Variants in ARSG observed in about 807,000 individuals in gnomAD.
ARSG encodes arylsulfatase G.
In ARSG, 37 loss-of-function variants were observed where a neutral mutation model predicts 50.5. The ratio of observed to expected loss-of-function variants is 0.73; its 90% CI spans 0.56 to 0.96. The LOEUF (loss-of-function observed/expected upper bound fraction) is 0.96, where lower values mean the gene tolerates loss of function less well. ARSG is among the 50% of genes least tolerant of loss of function. The pLI is 0.00. For synonymous variants in ARSG, 225 were observed against 254.6 expected (o/e 0.88, Z 1.11); for missense variants, 629 against 675.3 (o/e 0.93, Z 0.76).
In ARSG at chr17:68,420,217, G is replaced by A. The variant is rs374175443; in HGVS notation, c.1332G>A (p.Thr444=). 1.1e-5 allele frequency: 17 copies of A among 1,613,862 alleles called. No individual in the cohort carries two copies. The highest frequency in any genetic ancestry group is 5.5e-5 in the South Asian group (5 of 91,070). Residue 444 remains threonine, a synonymous_variant, in exon 12 of 12, where the codon ACG becomes ACA. Transcript: ENST00000621439. The part of the protein sequence containing the change: ...TGGARACDGS[T]GPELQHKFPL... ...GAGCCAGGGCGTGTGATGGGAGCAC[G>A]GGGCCTGAGCTGCAGCATAAGTTTC...
intron 2 of ARSG, among the ~76,000 whole-genome samples, chr17:68,319,905 A>G (rs1203956495): frequency 1.3e-5 from 2 of 152,238 alleles, no homozygotes; most frequent in Non-Finnish European, 2.9e-5. Flanking sequence ...TATCACTTAT[A>G]GATTGGTCTC....
intron 1 of ARSG, among the ~76,000 whole-genome samples, chr17:68,292,639 G>T (rs1054647772): frequency 4.6e-5 from 7 of 152,176 alleles, no homozygotes; most frequent in Non-Finnish European, 7.4e-5. Context: ...GTTTGGGAGT[G>T]CATGCACGGA....
intron 11 of ARSG, among the ~76,000 whole-genome samples, chr17:68,411,138 AT>A (rs1305045575): frequency 8.6e-5 from 13 of 151,836 alleles, no homozygotes; most frequent in Non-Finnish European, 1.5e-4. Context: ...TTCTGCTCTG[AT>A]TTTAGTTATT....
At chr17:68,270,061 A>G (rs553975477) in intron 1 of ARSG, among the ~76,000 whole-genome samples, 4 of 152,320 alleles carry the variant, frequency 2.6e-5, no homozygotes, top group South Asian at 2.1e-4. Flanking sequence ...AAACATACCT[A>G]TGTCCCTCCT....
At chr17:68,314,352 C>T (rs1370069917) in intron 2 of ARSG, among the ~76,000 whole-genome samples, 5 of 151,884 alleles carry the variant, frequency 3.3e-5, no homozygotes, top group Admixed American at 2.6e-4. Flanking sequence ...CAAGAAGAAA[C>T]CCCATCTCTA....
At chr17:68,272,985 CT>C (rs879965781) in intron 1 of ARSG, among the ~76,000 whole-genome samples, 3,048 of 144,266 alleles carry the variant, frequency 0.021, 66 homozygotes, top group African/African-American at 0.059. Flanking sequence ...AAAAATATAA[CT>C]TTTTTTTTTT....
intron 6 of ARSG, among the ~76,000 whole-genome samples, chr17:68,361,230 G>GA (rs1375396072): frequency 6.6e-6 from 1 of 152,294 alleles, no homozygotes; most frequent in East Asian, 1.9e-4. Context: ...CCATTAGGAG[G>GA]AAATTAGGTT....
chr17:68,321,870 C>T (rs2077297317), intron 2 of ARSG, among the ~76,000 whole-genome samples: 2 of 152,126 alleles, frequency 1.3e-5, no homozygotes, highest in South Asian at 2.1e-4. Context: ...TGAGCCTGCC[C>T]AGATAGACTT....
Position 68,291,510 on chromosome 17 carries a change from C to T in ARSG, c.-610C>T, listed in dbSNP as rs1363654962. On this transcript the variant is annotated 5_prime_UTR_variant, in exon 1 of 12. Coordinates refer to ENST00000621439, the MANE Select transcript of ARSG (RefSeq NM_001267727.2). The stretch of plus-strand genomic sequence containing the variant: ...GCGCGCGCGCGCCGTCCCACGTGGA[C>T]CTGAGCCGCGCCGGTCGCGCGCCCG... 6.7e-6 allele frequency: 1 copy of T among 150,124 alleles called. No homozygotes were observed. Among genetic ancestry groups the T allele is most frequent in the Non-Finnish European group, 1.5e-5 (1 of 67,324 alleles). 9.3% of individuals were successfully genotyped at this position (150,124 alleles called of 1,614,324 possible). A position where few individuals can be genotyped will look rare whatever the true frequency, so the allele number is the denominator to read the frequency against.
chr17:68,437,948 T>TAAAAAAAAAAAAAAAAACA, the ARSG span, among the ~76,000 whole-genome samples: 1 of 78,806 alleles, frequency 1.3e-5, no homozygotes, highest in African/African-American at 4.8e-5. Flanking sequence ...ACATCTCTCT[T>TAAAAAAAAAAAAAAAAACA]AAAAAAAAAA....
rs1482538292 is a variant in ARSG, at chr17:68,347,132, G to T, written c.414G>T (p.Trp138Cys). ...TCTTATGTTTTTCTACAGGCAAATG[G>T]CATCTTGGACACCACGGCTCTTATC... is the stretch of plus-strand genomic sequence containing the variant. Reference protein sequence around the residue: ...AGYVTGIIGKWHLGHHGSYHP... With the variant: ...AGYVTGIIGKCHLGHHGSYHP... Residue 138 changes from tryptophan (W) to cysteine (C), a missense_variant, in exon 4 of 12, where the codon TGG becomes TGT. Trp to Cys is a radical substitution (Grantham distance 215). Coordinates refer to ENST00000621439, the MANE Select transcript of ARSG (RefSeq NM_001267727.2). 5.0e-6 allele frequency: 8 copies of T among 1,613,864 alleles called. No individual in the cohort carries two copies.
At position 68,401,470 on chromosome 17, in the gene ARSG, G is replaced by A. The variant is rs1241192218; in HGVS notation, c.1303+20G>A. The A allele has an allele frequency of 6.2e-7, 1 of 1,610,436 alleles. No individual in the cohort carries two copies. The highest frequency in any genetic ancestry group is 2.2e-5 in the East Asian group (1 of 44,800). On this transcript the variant is annotated intron_variant, in intron 11 of 11. Coordinates refer to ENST00000621439, the MANE Select transcript of ARSG (RefSeq NM_001267727.2). ...TTACCGGTGAGTGAGGGGCCACTTAGCCCTGCCTCCCACAGTCACAGCTGC... is the reference window on the plus strand; with the variant it reads ...TTACCGGTGAGTGAGGGGCCACTTAACCCTGCCTCCCACAGTCACAGCTGC...
intron 2 of ARSG, among the ~76,000 whole-genome samples, chr17:68,314,557 G>A (rs1322420547): frequency 3.4e-5 from 5 of 147,112 alleles, no homozygotes; most frequent in African/African-American, 1.0e-4. Flanking sequence ...TAAGTAATCT[G>A]TAAACCAGGT....
At chr17:68,439,682 T>C in the ARSG span, among the ~76,000 whole-genome samples, 1 of 152,220 alleles carries the variant, frequency 6.6e-6, no homozygotes, top group African/African-American at 2.4e-5. Flanking sequence ...TTCAGGAATA[T>C]TTATCTGGTT....
chr17:68,377,924 C>A (rs1055856593), intron 8 of ARSG, among the ~76,000 whole-genome samples: 2 of 152,202 alleles, frequency 1.3e-5, no homozygotes. Context: ...GATGCCATTG[C>A]CCTCTTTTCT....
At chr17:68,314,345 GAA>G (rs1167342182) in intron 2 of ARSG, among the ~76,000 whole-genome samples, 2 of 151,958 alleles carry the variant, frequency 1.3e-5, no homozygotes, top group Non-Finnish European at 2.9e-5. Flanking sequence ...TGACCAACAA[GAA>G]GAAACCCCAT....
At chr17:68,313,893 G>A (rs2076967343) in intron 2 of ARSG, among the ~76,000 whole-genome samples, 1 of 151,972 alleles carries the variant, frequency 6.6e-6, no homozygotes, top group African/African-American at 2.4e-5. Flanking sequence ...TGGCCAGGCT[G>A]GTCTTGAACT....
intron 2 of ARSG, among the ~76,000 whole-genome samples, chr17:68,334,962 T>C (rs1296666104): frequency 2.0e-5 from 3 of 152,154 alleles, no homozygotes; most frequent in Admixed American, 6.6e-5. Flanking sequence ...CACCTCTCAA[T>C]GGGAGGCATG....
chr17:68,353,499 G>A lies in ARSG; in HGVS notation c.566+1813G>A, dbSNP rs547716157. ...ACTGCACTTCACCCTGGGTGACAGA[G>A]TAAGATCCCGTCTCAAAAAACAAAA... On this transcript the variant is annotated intron_variant, in intron 5 of 11. Coordinates refer to ENST00000621439, the MANE Select transcript of ARSG (RefSeq NM_001267727.2). Among the ~76,000 whole-genome samples the A allele has an allele frequency of 6.1e-4, 93 of 152,190 alleles. No homozygotes were observed. In the Middle Eastern group the frequency reaches 0.017, roughly 28 times the overall value.
Sources: allele counts gnomAD v4.1 joint callset (sites outside exome capture counted in the v4.1 genomes callset), GRCh38; gene constraint gnomAD v4.1.1; transcripts MANE v1.5; gene names NCBI Gene and HGNC (gene_info 2026-07-23, HGNC 2026-07-21).